The following CAMK2D variants were observed in gnomAD, a reference collection of about 807,000 sequenced individuals.
The protein encoded by CAMK2D is calcium/calmodulin dependent protein kinase II delta, also known as calcium/calmodulin-dependent protein kinase type II subunit delta.
CAMK2D carries 37 observed loss-of-function variants against 84.0 expected under a neutral mutation model. The ratio of observed to expected loss-of-function variants is 0.44; its 90% CI spans 0.34 to 0.58. CAMK2D has a LOEUF of 0.58. CAMK2D is among the 20% of genes least tolerant of loss of function. The pLI is 0.02. For missense variants in CAMK2D, 448 were observed against 652.5 expected (o/e 0.69, Z 3.41); for synonymous variants, 202 against 212.5 (o/e 0.95, Z 0.43).
intron 2 of CAMK2D, among the ~76,000 whole-genome samples, chr4:113,732,562 A>G (rs1284766021): frequency 6.6e-6 from 1 of 152,218 alleles, no homozygotes; most frequent in East Asian, 1.9e-4. Flanking sequence ...TTAATTCACT[A>G]TGGTATCAAT....
At chr4:113,581,455 GT>G (rs1457185458) in intron 4 of CAMK2D, among the ~76,000 whole-genome samples, 1 of 147,806 alleles carries the variant, frequency 6.8e-6, no homozygotes, top group Non-Finnish European at 1.5e-5. Context: ...GGAGGTTGCG[GT>G]GAGCCAAGAT....
intron 2 of CAMK2D, among the ~76,000 whole-genome samples, chr4:113,715,505 A>C (rs1348021914): frequency 2.6e-5 from 4 of 152,180 alleles, no homozygotes. Context: ...AATATAAATT[A>C]GATTCAACAG....
chr4:113,722,845 A>G (rs1162300816), intron 2 of CAMK2D, among the ~76,000 whole-genome samples: 1 of 152,142 alleles, frequency 6.6e-6, no homozygotes, highest in Non-Finnish European at 1.5e-5. Context: ...TCCCAAATTT[A>G]TCAATCACGT....
intron 14 of CAMK2D, 23 bp downstream of exon 14, chr4:113,504,953 G>A: frequency 1.4e-6 from 2 of 1,434,748 alleles, no homozygotes; most frequent in Non-Finnish European, 1.9e-6. Flanking sequence ...ACTTAAGAAG[G>A]GTTACAAAGA....
Position 113,451,549 on chromosome 4 carries a change from A to C in CAMK2D, c.*2996T>G, listed in dbSNP as rs573446724. 1 of 152,308 alleles carries C rather than the reference A, an allele frequency of 6.6e-6. No homozygotes were observed. The highest frequency in any genetic ancestry group is 1.9e-4 in the East Asian group (1 of 5,178). 9.4% of individuals were successfully genotyped at this position (152,308 alleles called of 1,614,324 possible). A position where few individuals can be genotyped will look rare whatever the true frequency, so the allele number is the denominator to read the frequency against. ...GAAGAGGTAACTTGCTCAGAGCATCAAGACAGTGGTGAGAGAACCCATCAT... is the reference window on the plus strand; with the variant it reads ...GAAGAGGTAACTTGCTCAGAGCATCCAGACAGTGGTGAGAGAACCCATCAT... On this transcript the variant is annotated 3_prime_UTR_variant, in exon 21 of 21. Coordinates refer to ENST00000511664, the MANE Select transcript of CAMK2D (RefSeq NM_001321571.2).
rs548520719 is a variant in CAMK2D, at chr4:113,750,541, C to A, written c.160+8779G>T. 1.1e-4 allele frequency among the ~76,000 whole-genome samples: 16 copies of A among 152,322 alleles called. No homozygotes were observed. In the East Asian group the frequency reaches 2.9e-3, roughly 28 times the overall value. Reference sequence around the variant, plus strand: ...ACTAAATGCCAGGCTGTCATCCACACTCATAGGCCAGGAAATACTTGAGGA... The same window carrying A: ...ACTAAATGCCAGGCTGTCATCCACAATCATAGGCCAGGAAATACTTGAGGA... On this transcript the variant is annotated intron_variant, in intron 2 of 20. Coordinates refer to ENST00000511664, the MANE Select transcript of CAMK2D (RefSeq NM_001321571.2).
Position 113,489,044 on chromosome 4 carries a change from G to A in CAMK2D, c.1135+11419C>T, listed in dbSNP as rs181843742. 8.9e-4 allele frequency among the ~76,000 whole-genome samples: 136 copies of A among 152,136 alleles called. No homozygotes were observed. In the East Asian group the frequency reaches 0.021, roughly 23 times the overall value. ...GAAAATGAAACTGTGTTACATTAGT[G>A]GTGGAATAGAATAAATTCTGCATCA... On this transcript the variant is annotated intron_variant, in intron 16 of 20. Transcript: ENST00000511664.
intron 2 of CAMK2D, among the ~76,000 whole-genome samples, chr4:113,729,058 TGGACAATGGAAAGACACA>T (rs2099554597): frequency 1.3e-5 from 2 of 150,388 alleles, no homozygotes; most frequent in Middle Eastern, 6.8e-3. Context: ...TGCTTTTAAA[TGGACAATGGAAAGACACA>T]GGATTGCATT....
intron 2 of CAMK2D, among the ~76,000 whole-genome samples, chr4:113,666,352 CAT>C (rs2099257115): frequency 6.6e-6 from 1 of 152,066 alleles, no homozygotes; most frequent in African/African-American, 2.4e-5. Context: ...ACATGAATGA[CAT>C]ATATAAAAGA....
intron 17 of CAMK2D, among the ~76,000 whole-genome samples, chr4:113,463,951 A>G (rs1469951006): frequency 2.6e-5 from 4 of 152,208 alleles, no homozygotes; most frequent in Non-Finnish European, 2.9e-5. Context: ...AAATTCTTAT[A>G]AGTAGAATTA....
chr4:113,696,173 C>A (rs1338767685), intron 2 of CAMK2D, among the ~76,000 whole-genome samples: 2 of 135,506 alleles, frequency 1.5e-5, no homozygotes, highest in East Asian at 4.4e-4. Flanking sequence ...CACCACTTGA[C>A]AGACAGACAC....
At chr4:113,479,099 C>A (rs553123014) in intron 16 of CAMK2D, among the ~76,000 whole-genome samples, 1 of 152,304 alleles carries the variant, frequency 6.6e-6, no homozygotes, top group African/African-American at 2.4e-5. Context: ...CACATTTAAT[C>A]TGTTAACTTC....
intron 6 of CAMK2D, among the ~76,000 whole-genome samples, chr4:113,545,650 T>G (rs565293525): frequency 6.6e-6 from 1 of 152,254 alleles, no homozygotes; most frequent in South Asian, 2.1e-4. Flanking sequence ...TTGAACTCTC[T>G]CAGTGTGTTT....
intron 2 of CAMK2D, among the ~76,000 whole-genome samples, chr4:113,690,829 A>C (rs2099385016): frequency 6.6e-6 from 1 of 152,214 alleles, no homozygotes; most frequent in Non-Finnish European, 1.5e-5. Flanking sequence ...AAATTCAAAA[A>C]TGGCTGTTCT....
intron 16 of CAMK2D, among the ~76,000 whole-genome samples, chr4:113,488,506 A>G (rs1049297112): frequency 6.6e-6 from 1 of 152,174 alleles, no homozygotes; most frequent in African/African-American, 2.4e-5. Context: ...TAAGTGGGTA[A>G]ATGTCAGGTT....
intron 2 of CAMK2D, among the ~76,000 whole-genome samples, chr4:113,700,607 G>A (rs2099414834): frequency 1.3e-5 from 2 of 152,180 alleles, no homozygotes; most frequent in African/African-American, 4.8e-5. Flanking sequence ...GTGTAAGACT[G>A]TGAAACAAAC....
intron 2 of CAMK2D, among the ~76,000 whole-genome samples, chr4:113,749,084 A>C (rs1015680811): frequency 1.3e-5 from 2 of 151,816 alleles, no homozygotes; most frequent in Non-Finnish European, 2.9e-5. Context: ...TAAAGGCTTT[A>C]AGTCATCATT....
At chr4:113,520,048 A>G (rs2098336118) in intron 8 of CAMK2D, among the ~76,000 whole-genome samples, 1 of 152,188 alleles carries the variant, frequency 6.6e-6, no homozygotes, top group Admixed American at 6.5e-5. Flanking sequence ...CCTATCTTAA[A>G]TGTTCCTTGC....
At chr4:113,509,083 T>C (rs931999539) in intron 13 of CAMK2D, among the ~76,000 whole-genome samples, 1 of 152,210 alleles carries the variant, frequency 6.6e-6, no homozygotes, top group African/African-American at 2.4e-5. Context: ...GTTATTTTTC[T>C]TGCAAGATTT....
Sources: allele counts gnomAD v4.1 joint callset (sites outside exome capture counted in the v4.1 genomes callset), GRCh38; gene constraint gnomAD v4.1.1; transcripts MANE v1.5; gene names NCBI Gene and HGNC (gene_info 2026-07-23, HGNC 2026-07-21).